Variants in OSBPL8 observed in about 807,000 individuals in gnomAD.
OSBPL8 encodes oxysterol binding protein like 8.
OSBPL8 carries 59 observed loss-of-function variants against 125.5 expected under a neutral mutation model. The observed-to-expected ratio is 0.47, with a 90% CI of 0.38 to 0.58. The LOEUF (loss-of-function observed/expected upper bound fraction) is 0.58, where lower values mean the gene tolerates loss of function less well. OSBPL8 is among the 20% of genes least tolerant of loss of function. The pLI is 0.00. For synonymous variants in OSBPL8, 330 were observed against 338.9 expected (o/e 0.97, Z 0.29); for missense variants, 758 against 1,047.8 (o/e 0.72, Z 3.82).
At chr12:76,412,606 T>A (rs12425163) in intron 4 of OSBPL8, among the ~76,000 whole-genome samples, 3,942 of 152,188 alleles carry the variant, frequency 0.026, 50 homozygotes, top group Admixed American at 0.039. Flanking sequence ...ATAATATTAA[T>A]AAAAGCAATA....
chr12:76,372,836 C>G (rs995223371), intron 18 of OSBPL8, among the ~76,000 whole-genome samples: 1 of 152,248 alleles, frequency 6.6e-6, no homozygotes, highest in East Asian at 1.9e-4. Flanking sequence ...GAATATAACT[C>G]TAATTGGAAC....
intron 1 of OSBPL8, among the ~76,000 whole-genome samples, chr12:76,525,084 G>C (rs781338051): frequency 6.6e-6 from 1 of 152,112 alleles, no homozygotes; most frequent in Non-Finnish European, 1.5e-5. Context: ...GCAAAGGGGG[G>C]TAAAAACAGG....
Position 76,356,476 on chromosome 12 carries a change from T to C in OSBPL8, c.2537+150A>G, listed in dbSNP as rs193117615. 1.5e-3 allele frequency: 814 copies of C among 527,134 alleles called. 13 individuals carry two copies. The Admixed American group carries it at 0.023, about 15-fold the overall frequency. The allele number at this position is 527,134 out of a possible 1,614,324, so 32.7% of individuals were successfully genotyped here. ...TTTAGTGCTGGAGGAATTTCGTAAGTGTCAAACATCAGGTGATAGAGGCTA... is the reference window on the plus strand; with the variant it reads ...TTTAGTGCTGGAGGAATTTCGTAAGCGTCAAACATCAGGTGATAGAGGCTA... On this transcript the variant is annotated intron_variant, in intron 23 of 23. Transcript: ENST00000261183.
chr12:76,402,820 G>A (rs141672719), intron 5 of OSBPL8, 54 bp from the exon 6 acceptor site: 118 of 1,133,006 alleles, frequency 1.0e-4, no homozygotes, highest in Middle Eastern at 2.0e-4. Flanking sequence ...TCTACACGTC[G>A]CATAAAAATT....
intron 1 of OSBPL8, among the ~76,000 whole-genome samples, chr12:76,542,213 T>TAC (rs1409321177): frequency 1.3e-5 from 2 of 152,118 alleles, no homozygotes; most frequent in Non-Finnish European, 2.9e-5. Context: ...GCATAATGCT[T>TAC]ACTTCACCAC....
At chr12:76,394,133 G>A (rs1953692295) in intron 9 of OSBPL8, among the ~76,000 whole-genome samples, 2 of 151,930 alleles carry the variant, frequency 1.3e-5, no homozygotes, top group African/African-American at 4.8e-5. Flanking sequence ...ATGAAAGTGA[G>A]GACAAAATCC....
At chr12:76,500,019 C>G (rs1046626293) in intron 1 of OSBPL8, among the ~76,000 whole-genome samples, 7 of 152,142 alleles carry the variant, frequency 4.6e-5, no homozygotes, top group Non-Finnish European at 7.4e-5. Flanking sequence ...TTCATTTCCT[C>G]TATCTTTGCC....
intron 4 of OSBPL8, among the ~76,000 whole-genome samples, chr12:76,439,106 C>A (rs188502318): frequency 1.3e-5 from 2 of 152,126 alleles, no homozygotes; most frequent in Non-Finnish European, 2.9e-5. Context: ...ACAGGCCGGA[C>A]GCGGTGGCTC....
intron 12 of OSBPL8, 136 bp from the exon 13 acceptor site, chr12:76,386,796 T>G: frequency 1.7e-6 from 1 of 581,272 alleles, no homozygotes; most frequent in Non-Finnish European, 3.0e-6. Context: ...AAAACAACCA[T>G]GTAATCAATT....
At chr12:76,394,610 A>G (rs1953715294) in intron 9 of OSBPL8, 35 bp downstream of exon 9, 5 of 1,521,828 alleles carry the variant, frequency 3.3e-6, no homozygotes, top group Non-Finnish European at 4.5e-6. Flanking sequence ...TTAAAAATGA[A>G]GACCAAAATC....
chr12:76,551,455 A>G (rs1405537301), intron 1 of OSBPL8, among the ~76,000 whole-genome samples: 1 of 152,212 alleles, frequency 6.6e-6, no homozygotes, highest in African/African-American at 2.4e-5. Context: ...GGAACACACA[A>G]CAAAGAATTA....
chr12:76,519,125 G>A (rs934763530), intron 1 of OSBPL8, among the ~76,000 whole-genome samples: 5 of 152,092 alleles, frequency 3.3e-5, no homozygotes, highest in African/African-American at 4.8e-5. Context: ...TAAGTTATTT[G>A]TTTGTTCCTG....
At position 76,520,659 on chromosome 12, in the gene OSBPL8, A is replaced by G. The variant is rs926142839; in HGVS notation, c.-67-33041T>C. Among the ~76,000 whole-genome samples the G allele has an allele frequency of 3.3e-5, 5 of 152,304 alleles. No individual in the cohort carries two copies. The East Asian group carries it at 5.8e-4, about 18-fold the overall frequency. ...TCATAAGGTGGAAGGTCACTCCTAT[A>G]TTCTTTATTTCCACTAGCACTACAC... On this transcript the variant is annotated intron_variant, in intron 1 of 23. Coordinates refer to ENST00000261183, the MANE Select transcript of OSBPL8 (RefSeq NM_020841.5).
At chr12:76,388,067 TCA>T (rs1480357256) in intron 12 of OSBPL8, among the ~76,000 whole-genome samples, 2 of 152,220 alleles carry the variant, frequency 1.3e-5, no homozygotes, top group East Asian at 3.8e-4. Flanking sequence ...CTTGCTTTTT[TCA>T]CACACAATTC....
chr12:76,458,268 T>C (rs1874302965), intron 3 of OSBPL8, among the ~76,000 whole-genome samples: 1 of 151,368 alleles, frequency 6.6e-6, no homozygotes, highest in African/African-American at 2.4e-5. Flanking sequence ...AGTAAAACCC[T>C]GTCTCAAGAA....
chr12:76,356,669 T>G lies in OSBPL8; in HGVS notation c.2494A>C (p.Ser832Arg), dbSNP rs905464518. The G allele has an allele frequency of 6.2e-7, 1 of 1,610,982 alleles. No homozygotes were observed. Among genetic ancestry groups the G allele is most frequent in the Admixed American group, 1.7e-5 (1 of 59,836 alleles). ...KKGIELGDIQ[S>R]SIESIKQTQE... ...GTTTGTTTTATAGATTCGATGGAAC[T>G]CTGAATGTCTCCCAGTTCTATTCCT... The change falls in exon 23 of 24, where the codon AGT becomes CGT. Residue 832 changes from serine (S) to arginine (R), a missense_variant. Coordinates refer to ENST00000261183, the MANE Select transcript of OSBPL8 (RefSeq NM_020841.5).
At chr12:76,417,859 C>T (rs553220147) in intron 4 of OSBPL8, among the ~76,000 whole-genome samples, 50 of 152,212 alleles carry the variant, frequency 3.3e-4, no homozygotes, top group Non-Finnish European at 6.3e-4. Flanking sequence ...TTTGTTGTTT[C>T]AGTTACTTCT....
At chr12:76,471,133 T>C (rs1876088734) in intron 2 of OSBPL8, among the ~76,000 whole-genome samples, 1 of 152,316 alleles carries the variant, frequency 6.6e-6, no homozygotes, top group Non-Finnish European at 1.5e-5. Flanking sequence ...TAACTGACTT[T>C]ATGCAAATTA....
At chr12:76,359,910 A>AAC (rs1475856039) in intron 21 of OSBPL8, among the ~76,000 whole-genome samples, 1 of 152,140 alleles carries the variant, frequency 6.6e-6, no homozygotes, top group Non-Finnish European at 1.5e-5. Context: ...TCCCTCCCAC[A>AAC]ACACGTGGGA....
Sources: gnomAD v4.1 joint callset for allele counts (sites outside exome capture counted in the v4.1 genomes callset) on GRCh38, gnomAD v4.1.1 for gene constraint, MANE v1.5 for transcripts, NCBI Gene and HGNC (gene_info 2026-07-23, HGNC 2026-07-21) for gene names.